The following NRG3 variants were observed in gnomAD, a reference collection of about 807,000 sequenced individuals.
NRG3 encodes pro-neuregulin-3, membrane-bound isoform.
NRG3 carries 31 observed loss-of-function variants against 66.9 expected under a neutral mutation model. That is an observed-to-expected ratio of 0.46 (90% confidence interval 0.35 to 0.63). The LOEUF (loss-of-function observed/expected upper bound fraction) is 0.63. Among genes scored for constraint, NRG3 ranks in the 20% least tolerant of loss-of-function variants. The pLI, the probability that NRG3 is intolerant of heterozygous loss-of-function variation, is 0.00. For synonymous variants in NRG3, 393 were observed against 359.4 expected, an observed-to-expected ratio of 1.09 and a Z score of -1.06; for missense variants, 910 against 878.9, an observed-to-expected ratio of 1.04 and a Z score of -0.45.
intron 2 of NRG3, among the ~76,000 whole-genome samples, chr10:82,723,586 G>GA (rs901846425): frequency 7.4e-4 from 111 of 150,052 alleles, no homozygotes; most frequent in Admixed American, 1.7e-3. Context: ...TTTTAACTTG[G>GA]AAAAAAAAAT....
intron 1 of NRG3, among the ~76,000 whole-genome samples, chr10:82,272,230 A>C (rs1431323328): frequency 6.6e-6 from 1 of 152,016 alleles, no homozygotes; most frequent in East Asian, 1.9e-4. Flanking sequence ...GCAAGAAAAA[A>C]ATGTGAATTC....
chr10:82,431,325 G>T (rs1166267719), intron 2 of NRG3, among the ~76,000 whole-genome samples: 1 of 152,074 alleles, frequency 6.6e-6, no homozygotes, highest in Non-Finnish European at 1.5e-5. Flanking sequence ...TGTATGCTGG[G>T]TTGCTGATTT....
chr10:82,716,947 T>A (rs1341845267), intron 2 of NRG3, among the ~76,000 whole-genome samples: 1 of 152,216 alleles, frequency 6.6e-6, no homozygotes, highest in Non-Finnish European at 1.5e-5. Flanking sequence ...TACATTTTAC[T>A]GAGGAAAGTG....
chr10:82,490,342 C>T (rs1473113841), intron 2 of NRG3, among the ~76,000 whole-genome samples: 2 of 152,130 alleles, frequency 1.3e-5, no homozygotes, highest in South Asian at 2.1e-4. Context: ...ACTGCTCAAT[C>T]GATGACCAAT....
chr10:82,122,937 G>T (rs1442309000), intron 1 of NRG3, among the ~76,000 whole-genome samples: 1 of 151,348 alleles, frequency 6.6e-6, no homozygotes, highest in African/African-American at 2.4e-5. Context: ...CCCCAAATCT[G>T]CTCTGTGTTA....
intron 1 of NRG3, among the ~76,000 whole-genome samples, chr10:82,239,875 G>A (rs1418792342): frequency 2.0e-5 from 3 of 152,014 alleles, no homozygotes; most frequent in African/African-American, 4.8e-5. Context: ...CAATGAAATA[G>A]TTTAAATATT....
intron 1 of NRG3, among the ~76,000 whole-genome samples, chr10:81,942,492 G>A (rs540406582): frequency 1.6e-4 from 24 of 152,254 alleles, no homozygotes; most frequent in South Asian, 1.0e-3. Context: ...GTTATCAGCC[G>A]TTGACTACAC....
intron 2 of NRG3, among the ~76,000 whole-genome samples, chr10:82,498,836 C>G (rs1020332429): frequency 2.6e-5 from 4 of 152,070 alleles, no homozygotes; most frequent in African/African-American, 9.7e-5. Flanking sequence ...CAAAAACTTA[C>G]AGAATTTTTT....
intron 2 of NRG3, among the ~76,000 whole-genome samples, chr10:82,421,145 A>C (rs1385937471): frequency 6.6e-6 from 1 of 152,148 alleles, no homozygotes; most frequent in East Asian, 1.9e-4. Flanking sequence ...TAAATAAGAT[A>C]TCTATGAGTG....
At chr10:81,931,874 A>T (rs1847380783) in intron 1 of NRG3, among the ~76,000 whole-genome samples, 1 of 152,164 alleles carries the variant, frequency 6.6e-6, no homozygotes, top group East Asian at 1.9e-4. Flanking sequence ...TTCAGGAGAG[A>T]TTATGACTAA....
intron 1 of NRG3, among the ~76,000 whole-genome samples, chr10:82,272,496 A>G (rs1466640325): frequency 6.6e-6 from 1 of 152,088 alleles, no homozygotes; most frequent in Non-Finnish European, 1.5e-5. Context: ...TGAACACTGA[A>G]TGCCTGTAGA....
chr10:82,168,328 G>A (rs2072270582), intron 1 of NRG3, among the ~76,000 whole-genome samples: 1 of 151,942 alleles, frequency 6.6e-6, no homozygotes, highest in Non-Finnish European at 1.5e-5. Context: ...CTTCTCTCTT[G>A]GAAGATCCCA....
intron 3 of NRG3, among the ~76,000 whole-genome samples, chr10:82,833,146 A>G (rs2062610972): frequency 6.6e-6 from 1 of 152,144 alleles, no homozygotes; most frequent in Non-Finnish European, 1.5e-5. Flanking sequence ...TATTGCATTG[A>G]GATAAGGGAA....
intron 1 of NRG3, among the ~76,000 whole-genome samples, chr10:81,989,305 G>T (rs576294179): frequency 6.6e-6 from 1 of 152,156 alleles, no homozygotes; most frequent in Admixed American, 6.6e-5. Context: ...AGAGTTATCA[G>T]TCTATAGATA....
intron 2 of NRG3, among the ~76,000 whole-genome samples, chr10:82,732,825 C>T (rs2057978548): frequency 6.6e-6 from 1 of 152,202 alleles, no homozygotes; most frequent in South Asian, 2.1e-4. Context: ...ACTTGAAATG[C>T]CAGACGATCT....
At chr10:82,548,444 A>T (rs2044077390) in intron 2 of NRG3, among the ~76,000 whole-genome samples, 1 of 151,866 alleles carries the variant, frequency 6.6e-6, no homozygotes, top group Admixed American at 6.6e-5. Context: ...TTATTGTCTG[A>T]ATAATCATGG....
At chr10:82,483,858 T>A (rs1267072503) in intron 2 of NRG3, among the ~76,000 whole-genome samples, 2 of 152,204 alleles carry the variant, frequency 1.3e-5, no homozygotes, top group African/African-American at 4.8e-5. Context: ...GGGTTTGGAA[T>A]TTAGAAATGG....
chr10:82,490,815 A>G (rs1183860136), intron 2 of NRG3, among the ~76,000 whole-genome samples: 4 of 152,134 alleles, frequency 2.6e-5, no homozygotes, highest in Non-Finnish European at 5.9e-5. Flanking sequence ...CTGTTAACAC[A>G]CTGATCCAAA....
intron 6 of NRG3, among the ~76,000 whole-genome samples, chr10:82,971,260 A>G (rs1458034565): frequency 6.6e-6 from 1 of 152,134 alleles, no homozygotes; most frequent in Non-Finnish European, 1.5e-5. Flanking sequence ...CGAGATTCAA[A>G]GGGGACAAAT....
Sources: allele counts gnomAD v4.1 joint callset (sites outside exome capture counted in the v4.1 genomes callset), GRCh38; gene constraint gnomAD v4.1.1; transcripts MANE v1.5; gene names NCBI Gene and HGNC (gene_info 2026-07-23, HGNC 2026-07-21).